The following ASIC2 variants were observed in gnomAD, a reference collection of about 807,000 sequenced individuals.
ASIC2 encodes acid sensing ion channel subunit 2.
Under a neutral mutation model 57.3 loss-of-function variants are expected in ASIC2, and 25 were observed. That is an observed-to-expected ratio of 0.44 (90% CI 0.32 to 0.61). The LOEUF (loss-of-function observed/expected upper bound fraction) is 0.61. Ranked by LOEUF, ASIC2 falls within the 20% of genes least tolerant of loss-of-function variation. The probability of loss-of-function intolerance (pLI) is 0.06; values close to 1 mark genes in which losing one functional copy is unlikely to be tolerated. For missense variants in ASIC2, 641 were observed against 738.1 expected (o/e 0.87, Z 1.52); for synonymous variants, 319 against 307.5 (o/e 1.04, Z -0.39).
chr17:33,945,188 A>T (rs1904334138), intron 1 of ASIC2, among the ~76,000 whole-genome samples: 1 of 152,152 alleles, frequency 6.6e-6, no homozygotes, highest in Admixed American at 6.5e-5. Context: ...TAACATCCCG[A>T]ACCTGTTTTT....
intron 1 of ASIC2, among the ~76,000 whole-genome samples, chr17:33,185,998 A>G (rs1186026078): frequency 6.6e-6 from 1 of 152,234 alleles, no homozygotes; most frequent in Non-Finnish European, 1.5e-5. Context: ...GTAAAGGGAC[A>G]GAGAGTAAAT....
At chr17:33,278,827 C>T (rs1391082) in intron 1 of ASIC2, among the ~76,000 whole-genome samples, 95,548 of 151,896 alleles carry the variant, frequency 0.63, 30,786 homozygotes, top group Middle Eastern at 0.76. Context: ...GAACTTGTCA[C>T]TTACAAGGCA....
intron 1 of ASIC2, among the ~76,000 whole-genome samples, chr17:33,211,581 A>T (rs542737355): frequency 6.6e-6 from 1 of 151,096 alleles, no homozygotes; most frequent in South Asian, 2.1e-4. Context: ...CCTGCTGGGG[A>T]TTCTCAGCAG....
intron 1 of ASIC2, among the ~76,000 whole-genome samples, chr17:33,965,669 G>C (rs1331703501): frequency 2.0e-5 from 3 of 152,198 alleles, no homozygotes; most frequent in Admixed American, 6.5e-5. Flanking sequence ...AAGACACAGA[G>C]AGGCCAAGTA....
At chr17:33,114,764 C>T (rs748612024) in intron 1 of ASIC2, among the ~76,000 whole-genome samples, 1 of 152,200 alleles carries the variant, frequency 6.6e-6, no homozygotes, top group Non-Finnish European at 1.5e-5. Context: ...CCTTACTTTA[C>T]ATATTAGGAA....
At chr17:34,039,401 G>A (rs1372679352) in intron 1 of ASIC2, 40 of 1,613,750 alleles carry the variant, frequency 2.5e-5, no homozygotes, top group Non-Finnish European at 3.1e-5. Context: ...GTGTCAAGCC[G>A]AGGTTTTGCT....
chr17:33,565,039 T>G (rs188824347), intron 1 of ASIC2, among the ~76,000 whole-genome samples: 1 of 152,312 alleles, frequency 6.6e-6, no homozygotes, highest in East Asian at 1.9e-4. Context: ...TGTTCGGGGA[T>G]CTCAGCTCTG....
intron 1 of ASIC2, among the ~76,000 whole-genome samples, chr17:33,653,481 A>C (rs1400899362): frequency 6.6e-6 from 1 of 152,202 alleles, no homozygotes; most frequent in East Asian, 1.9e-4. Context: ...TTCTCCATGC[A>C]ATTTAAAAAT....
intron 1 of ASIC2, among the ~76,000 whole-genome samples, chr17:33,232,636 TGA>T (rs1238560499): frequency 6.6e-6 from 1 of 152,262 alleles, no homozygotes; most frequent in Admixed American, 6.5e-5. Flanking sequence ...TTTCCCTTGT[TGA>T]GTTTATGTAA....
intron 1 of ASIC2, among the ~76,000 whole-genome samples, chr17:33,551,374 G>A (rs1915748131): frequency 6.6e-6 from 1 of 152,168 alleles, no homozygotes; most frequent in Non-Finnish European, 1.5e-5. Flanking sequence ...TCTAGTCCAG[G>A]GGAGGAATGA....
At chr17:33,704,169 A>G (rs950892275) in intron 1 of ASIC2, among the ~76,000 whole-genome samples, 1 of 152,198 alleles carries the variant, frequency 6.6e-6, no homozygotes, top group Admixed American at 6.5e-5. Flanking sequence ...CAGCATTAGC[A>G]TTGTAATTGG....
intron 1 of ASIC2, among the ~76,000 whole-genome samples, chr17:34,142,738 A>G (rs1279772092): frequency 2.0e-5 from 3 of 152,212 alleles, no homozygotes; most frequent in African/African-American, 7.2e-5. Context: ...ACCTCTTGCC[A>G]CCTGCTTCCT....
chr17:33,389,319 C>T (rs905375878), intron 1 of ASIC2, among the ~76,000 whole-genome samples: 2 of 152,172 alleles, frequency 1.3e-5, no homozygotes, highest in Non-Finnish European at 2.9e-5. Context: ...CTGTTTACAG[C>T]TCATTGACTG....
At chr17:33,052,493 C>T (rs912561800) in intron 3 of ASIC2, 1 of 152,200 alleles carries the variant, frequency 6.6e-6, no homozygotes, top group African/African-American at 2.4e-5. Context: ...GAAGAGCCAT[C>T]TATTAGGAGG....
intron 1 of ASIC2, among the ~76,000 whole-genome samples, chr17:33,600,129 G>A (rs1028435422): frequency 5.3e-5 from 8 of 152,152 alleles, no homozygotes; most frequent in African/African-American, 1.4e-4. Flanking sequence ...CTTTTCATGG[G>A]TAAGTCAGTT....
intron 1 of ASIC2, among the ~76,000 whole-genome samples, chr17:33,182,572 T>C (rs2142060152): frequency 6.6e-6 from 1 of 152,330 alleles, no homozygotes; most frequent in East Asian, 1.9e-4. Flanking sequence ...TGATTTGTTC[T>C]TTTTTAGTAC....
rs531334562 is a variant in ASIC2 at position 34,129,766 on chromosome 17, C to G, written c.555+26212G>C. On this transcript the variant is annotated intron_variant, in intron 1 of 9. Coordinates refer to the ASIC2 transcript ENST00000359872. ...AATGGAATACCTAAAACAGGGCATA[C>G]TAGTAGCTGCTTCCAATCTTCTTGG... Among the ~76,000 whole-genome samples, 2 of 152,232 alleles carry G rather than the reference C, an allele frequency of 1.3e-5. 1 individual carries two copies.
intron 1 of ASIC2, among the ~76,000 whole-genome samples, chr17:33,272,871 C>G (rs1904559276): frequency 6.6e-6 from 1 of 152,122 alleles, no homozygotes; most frequent in African/African-American, 2.4e-5. Context: ...AAAACTGAGC[C>G]CTGGGAGGAG....
intron 1 of ASIC2, among the ~76,000 whole-genome samples, chr17:33,124,910 T>G (rs920592343): frequency 6.6e-6 from 1 of 152,186 alleles, no homozygotes; most frequent in Admixed American, 6.5e-5. Context: ...AGGTATTAGA[T>G]TCTCTTAAGG....
Sources: gnomAD v4.1 joint callset for allele counts (sites outside exome capture counted in the v4.1 genomes callset) on GRCh38, gnomAD v4.1.1 for gene constraint, MANE v1.5 for transcripts, NCBI Gene and HGNC (gene_info 2026-07-23, HGNC 2026-07-21) for gene names.